Variants in OTULINL observed in about 807,000 individuals in gnomAD.
The protein encoded by OTULINL is OTU deubiquitinase with linear linkage specificity like, also known as inactive ubiquitin thioesterase OTULINL.
Under a neutral mutation model 43.9 loss-of-function variants are expected in OTULINL, and 42 were observed. The observed-to-expected ratio is 0.96, with a 90% CI of 0.75 to 1.24. The LOEUF is 1.24. Ranked by LOEUF, OTULINL falls within the 50% of genes most tolerant of loss-of-function variation. The pLI is 0.00. For synonymous variants in OTULINL, 172 were observed against 153.6 expected (o/e 1.12, Z -0.88); for missense variants, 411 against 426.4 (o/e 0.96, Z 0.32).
chr5:14,602,155 A>G (rs1560965549), intron 4 of OTULINL, 28 bp from the exon 5 acceptor site: 3 of 1,530,586 alleles, frequency 2.0e-6, no homozygotes, highest in South Asian at 1.3e-5. Flanking sequence ...TGGAATTAAT[A>G]AACAACTTTC....
chr5:14,588,794 G>A (rs76623453), intron 1 of OTULINL, among the ~76,000 whole-genome samples: 3,205 of 152,190 alleles, frequency 0.021, 116 homozygotes, highest in African/African-American at 0.072. Flanking sequence ...AGCTAATAGG[G>A]AGGAAAAAGG....
In OTULINL at chr5:14,600,688, T is replaced by C. The variant is rs185230725; in HGVS notation, c.65-277T>C. Among the ~76,000 whole-genome samples, 13 of 152,348 alleles carry C rather than the reference T, an allele frequency of 8.5e-5. No individual in the cohort carries two copies. The East Asian group carries it at 2.5e-3, about 29-fold the overall frequency. Reference sequence around the variant, plus strand: ...TAGAGGCAGGTTTTGAGTTCAAGTCTGAGAGATTCTGAAGCCCATACTCTT... The same window carrying C: ...TAGAGGCAGGTTTTGAGTTCAAGTCCGAGAGATTCTGAAGCCCATACTCTT... On this transcript the variant is annotated intron_variant, in intron 1 of 7. Coordinates refer to ENST00000274217, the MANE Select transcript of OTULINL (RefSeq NM_019018.3).
intron 5 of OTULINL, among the ~76,000 whole-genome samples, chr5:14,604,296 T>TG (rs1171900742): frequency 6.6e-6 from 1 of 152,226 alleles, no homozygotes; most frequent in East Asian, 1.9e-4. Flanking sequence ...ATTGCACCAC[T>TG]GTACTCCAGC....
At position 14,582,459 on chromosome 5, in the gene OTULINL, C is replaced by G. The variant is rs1268289329; in HGVS notation, c.64+501C>G. On this transcript the variant is annotated intron_variant, in intron 1 of 7. Transcript: ENST00000274217. ...ATGTGGCGCACACCTTCGCGGCAGT[C>G]GAGACTTGCTAACAACACAGAATAC... Among the ~76,000 whole-genome samples, 9 of 151,818 alleles carry G rather than the reference C, an allele frequency of 5.9e-5. 1 individual carries two copies. Among genetic ancestry groups the G allele is most frequent in the Admixed American group, 3.3e-4 (5 of 15,260 alleles).
At chr5:14,600,193 GT>G (rs1327205983) in intron 1 of OTULINL, among the ~76,000 whole-genome samples, 1 of 152,126 alleles carries the variant, frequency 6.6e-6, no homozygotes, top group African/African-American at 2.4e-5. Context: ...GATCTGATGG[GT>G]TTTATAAGGG....
At position 14,608,791 on chromosome 5, in the gene OTULINL, G is replaced by A; in HGVS notation, c.671G>A (p.Ser224Asn). ...NGIRDYHKRGSMCNTLFSDAI... is the reference protein window; with the variant it reads ...NGIRDYHKRGNMCNTLFSDAI... Reference sequence around the variant, plus strand: ...ATTAGAGATTATCACAAGAGAGGAAGTATGTGCAACACCCTTTTTTCAGAT... The same window carrying A: ...ATTAGAGATTATCACAAGAGAGGAAATATGTGCAACACCCTTTTTTCAGAT... The change falls in exon 7 of 8, where the codon AGT (serine) becomes AAT (asparagine). Residue 224 changes from serine to asparagine, a missense_variant. Coordinates refer to ENST00000274217, the MANE Select transcript of OTULINL (RefSeq NM_019018.3). 6.2e-7 allele frequency: 1 copy of A among 1,612,740 alleles called. No homozygotes were observed. Among genetic ancestry groups the A allele is most frequent in the African/African-American group, 1.3e-5 (1 of 75,036 alleles).
At chr5:14,599,218 A>G (rs1390225904) in intron 1 of OTULINL, among the ~76,000 whole-genome samples, 3 of 152,204 alleles carry the variant, frequency 2.0e-5, no homozygotes, top group Non-Finnish European at 4.4e-5. Flanking sequence ...GCCAGGCGCC[A>G]TGGCTCACGC....
chr5:14,601,425 A>G lies in OTULINL; in HGVS notation c.331A>G (p.Asn111Asp). ...AGAATGGAAAGGAGAGACACCCCGT[A>G]ACAAGCTGATGAGGAAGGTGTGTCT... ...AREWKGETPR[N>D]KLMRKAYEEL... The change falls in exon 4 of 8, where the codon AAC (asparagine) becomes GAC (aspartate). Residue 111 changes from asparagine to aspartate, a missense_variant. Physicochemically the swap from Asn to Asp is conservative, Grantham distance 23. Transcript: ENST00000274217. 1 of 1,614,080 alleles carries G rather than the reference A, an allele frequency of 6.2e-7. No individual in the cohort carries two copies. The highest frequency in any genetic ancestry group is 8.5e-7 in the Non-Finnish European group (1 of 1,179,928).
intron 1 of OTULINL, among the ~76,000 whole-genome samples, chr5:14,592,497 C>T (rs1426490567): frequency 6.6e-6 from 1 of 152,086 alleles, no homozygotes; most frequent in East Asian, 1.9e-4. Context: ...GTGAAGCATT[C>T]CTGTTAGAGC....
At chr5:14,609,974 C>T (rs1393121092) in intron 7 of OTULINL, among the ~76,000 whole-genome samples, 167 bp from the exon 8 acceptor site, 1 of 152,172 alleles carries the variant, frequency 6.6e-6, no homozygotes, top group Non-Finnish European at 1.5e-5. Context: ...CTTCCTTCCA[C>T]ACAATGAGCA....
At chr5:14,599,458 C>T (rs1759346546) in intron 1 of OTULINL, among the ~76,000 whole-genome samples, 1 of 150,896 alleles carries the variant, frequency 6.6e-6, no homozygotes, top group Admixed American at 6.6e-5. Flanking sequence ...ATTGCTACTC[C>T]ATCCTGGGCA....
chr5:14,581,996 G>C, intron 1 of OTULINL, 38 bp downstream of exon 1: 1 of 1,229,370 alleles, frequency 8.1e-7, no homozygotes, highest in Non-Finnish European at 1.0e-6. Flanking sequence ...CGGGGGGCGC[G>C]AGCAGGGACC....
chr5:14,607,608 C>T (rs1759505589), intron 6 of OTULINL, 150 bp downstream of exon 6: 1 of 935,858 alleles, frequency 1.1e-6, no homozygotes, highest in Non-Finnish European at 1.6e-6. Context: ...GATTTCCCTC[C>T]TTATTCTTCC....
chr5:14,594,275 A>G (rs1015570902), intron 1 of OTULINL, among the ~76,000 whole-genome samples: 1 of 152,208 alleles, frequency 6.6e-6, no homozygotes, highest in Non-Finnish European at 1.5e-5. Context: ...TGATGGCCTA[A>G]CAGGATTTGT....
intron 1 of OTULINL, among the ~76,000 whole-genome samples, chr5:14,584,997 G>A (rs945829653): frequency 6.6e-6 from 1 of 152,132 alleles, no homozygotes; most frequent in African/African-American, 2.4e-5. Context: ...CCAGTGATTG[G>A]TCGGGTGGCA....
intron 1 of OTULINL, among the ~76,000 whole-genome samples, chr5:14,582,906 C>G (rs904334250): frequency 6.6e-6 from 1 of 151,936 alleles, no homozygotes; most frequent in African/African-American, 2.4e-5. Flanking sequence ...CGTCTCCACC[C>G]GCTGGCTCGG....
At position 14,602,295 on chromosome 5, in the gene OTULINL, CTT is replaced by C; in HGVS notation, c.464_465del (p.Phe155SerfsTer11). The stretch of plus-strand genomic sequence containing the variant: ...TTTCAGATATTCAGCCAGGGCATCT[CTT>C]TTCCATCATGGATGAAAGAAAAGGA... On this transcript the variant is annotated frameshift_variant, in exon 5 of 8. Transcript: ENST00000274217. LOFTEE classifies it high-confidence loss of function. 1.2e-6 allele frequency: 2 copies of C among 1,613,938 alleles called. No individual in the cohort carries two copies. Among genetic ancestry groups the C allele is most frequent in the Non-Finnish European group, 1.7e-6 (2 of 1,179,894 alleles).
Position 14,612,366 on chromosome 5 carries a change from A to G in OTULINL, c.*2052A>G, listed in dbSNP as rs138278424. 1 of 152,308 alleles carries G rather than the reference A, an allele frequency of 6.6e-6. No homozygotes were observed. The highest frequency in any genetic ancestry group is 1.9e-4 in the East Asian group (1 of 5,186). The allele number at this position is 152,308 out of a possible 1,614,324, so 9.4% of individuals were successfully genotyped here. On this transcript the variant is annotated 3_prime_UTR_variant, in exon 8 of 8. Coordinates refer to ENST00000274217, the MANE Select transcript of OTULINL (RefSeq NM_019018.3). ...CACATCAATCCAGGACTGAAAGGAAAAATTTTTTCACCAGGATTGGCAGCC... is the reference window on the plus strand; with the variant it reads ...CACATCAATCCAGGACTGAAAGGAAGAATTTTTTCACCAGGATTGGCAGCC...
intron 5 of OTULINL, among the ~76,000 whole-genome samples, chr5:14,603,074 C>A (rs1399636308): frequency 6.6e-6 from 1 of 152,204 alleles, no homozygotes; most frequent in East Asian, 1.9e-4. Context: ...TAAATGGAAT[C>A]ATTCAGTATG....
Sources: allele counts gnomAD v4.1 joint callset (sites outside exome capture counted in the v4.1 genomes callset), GRCh38; gene constraint gnomAD v4.1.1; transcripts MANE v1.5; gene names NCBI Gene and HGNC (gene_info 2026-07-23, HGNC 2026-07-21).